The following SHISAL2B variants were observed in gnomAD, a reference collection of about 807,000 sequenced individuals.
The protein encoded by SHISAL2B is protein shisa-like-2B.
In SHISAL2B, 12 loss-of-function variants were observed where a neutral mutation model predicts 16.5. That is an observed-to-expected ratio of 0.73 (90% CI 0.47 to 1.18). The LOEUF (loss-of-function observed/expected upper bound fraction) is 1.18, where lower values mean the gene tolerates loss of function less well. Ranked by LOEUF, SHISAL2B falls within the 50% of genes most tolerant of loss-of-function variation. The pLI is 0.00. For synonymous variants in SHISAL2B, 72 were observed against 75.0 expected, an observed-to-expected ratio of 0.96 and a Z score of 0.21; for missense variants, 183 against 193.6, an observed-to-expected ratio of 0.95 and a Z score of 0.33.
intron 2 of SHISAL2B, among the ~76,000 whole-genome samples, chr5:64,704,747 A>C (rs1306675068): frequency 2.0e-5 from 3 of 151,912 alleles, no homozygotes; most frequent in Non-Finnish European, 4.4e-5. Flanking sequence ...GTTGGTTAAG[A>C]AACTAGTTTC....
In SHISAL2B at chr5:64,690,761, C is replaced by T. The variant is rs747127324; in HGVS notation, c.138C>T (p.Cys46=). Residue 46 remains cysteine, a synonymous_variant, in exon 1 of 3, where the codon TGC becomes TGT. Transcript: ENST00000389074. ...CCGFADLKYC[C]SEPGSYFPYK... ...GCTTCGCCGACCTCAAGTACTGCTG[C>T]AGCGAGCCGGGCAGCTACTTCCCCT... is the stretch of plus-strand genomic sequence containing the variant. The T allele has an allele frequency of 5.2e-6, 8 of 1,543,840 alleles. No individual in the cohort carries two copies. The African/African-American group carries it at 9.6e-5, about 19-fold the overall frequency.
chr5:64,704,219 G>A (rs1741846999), intron 2 of SHISAL2B, among the ~76,000 whole-genome samples: 1 of 152,182 alleles, frequency 6.6e-6, no homozygotes, highest in Non-Finnish European at 1.5e-5. Context: ...ATAAAGACCT[G>A]CAGAAGTCCC....
In SHISAL2B at chr5:64,690,708, G is replaced by A. The variant is rs766268089; in HGVS notation, c.85G>A (p.Glu29Lys). 4 of 1,535,612 alleles carry A rather than the reference G, an allele frequency of 2.6e-6. No individual in the cohort carries two copies. The highest frequency in any genetic ancestry group is 3.5e-6 in the Non-Finnish European group (4 of 1,146,560). The change falls in exon 1 of 3, where the codon GAG becomes AAG. Residue 29 changes from glutamate (E) to lysine (K), a missense_variant. Glu to Lys is a moderately conservative substitution (Grantham distance 56, BLOSUM62 1). Coordinates refer to ENST00000389074, the MANE Select transcript of SHISAL2B (RefSeq NM_001164442.2). ...VEPFQCPRRG[E>K]GAALQYCCGF... The stretch of plus-strand genomic sequence containing the variant: ...GCCCTTCCAGTGCCCCCGGCGCGGC[G>A]AGGGGGCAGCGCTCCAGTATTGCTG...
chr5:64,711,434 G>T (rs1200110638), intron 2 of SHISAL2B, among the ~76,000 whole-genome samples: 10 of 147,538 alleles, frequency 6.8e-5, no homozygotes, highest in Admixed American at 6.7e-5. Context: ...GCTGGATTCG[G>T]TTTGCCAGTA....
chr5:64,702,902 A>G (rs1287045303), intron 2 of SHISAL2B, among the ~76,000 whole-genome samples: 1 of 151,838 alleles, frequency 6.6e-6, no homozygotes, highest in African/African-American at 2.4e-5. Flanking sequence ...TCTGTTTTGG[A>G]CTCTGTGTTT....
chr5:64,715,811 T>A (rs1742041025), intron 2 of SHISAL2B, among the ~76,000 whole-genome samples: 1 of 152,232 alleles, frequency 6.6e-6, no homozygotes, highest in African/African-American at 2.4e-5. Context: ...TTTTTTAAGT[T>A]AAATGGCTGC....
intron 2 of SHISAL2B, among the ~76,000 whole-genome samples, chr5:64,709,474 T>A (rs187233890): frequency 0.17 from 23,996 of 142,232 alleles, 2,434 homozygotes; most frequent in Non-Finnish European, 0.23. Context: ...TCTTTGCTAT[T>A]GTGAATAATG....
Position 64,692,638 on chromosome 5 carries a change from C to T in SHISAL2B, c.191+1824C>T, listed in dbSNP as rs139405994. 3.4e-3 allele frequency among the ~76,000 whole-genome samples: 518 copies of T among 152,286 alleles called. 2 individuals are homozygous for T. Among genetic ancestry groups the T allele is most frequent in the African/African-American group, 0.012 (486 of 41,558 alleles). On this transcript the variant is annotated intron_variant, in intron 1 of 2. Coordinates refer to ENST00000389074, the MANE Select transcript of SHISAL2B (RefSeq NM_001164442.2). ...AGATTCTATAGTGGCAGGAGAAAGG[C>T]ACAGCTGTGGCTATCACAAGGTAAG...
chr5:64,690,659 C>G lies in SHISAL2B; in HGVS notation c.36C>G (p.Tyr12Ter), dbSNP rs1160220465. 20 of 1,529,104 alleles carry G rather than the reference C, an allele frequency of 1.3e-5. No individual in the cohort carries two copies. Among genetic ancestry groups the G allele is most frequent in the Admixed American group, 1.2e-4 (6 of 50,396 alleles). 94.7% of individuals were successfully genotyped at this position (1,529,104 alleles called of 1,614,324 possible). The change falls in exon 1 of 3, where the codon TAC (tyrosine) becomes TAG (stop). Residue 12 changes from tyrosine to a stop codon, truncating the protein, a stop_gained. Transcript: ENST00000389074. LOFTEE classifies it high-confidence loss of function. ...SEASRLCSGY[Y>*]SLNQSFVEPF... ...CCAGCCGACTGTGCTCCGGCTACTA[C>G]AGCCTCAACCAGAGCTTCGTGGAGC...
At chr5:64,709,254 T>C (rs1458237428) in intron 2 of SHISAL2B, among the ~76,000 whole-genome samples, 1 of 147,334 alleles carries the variant, frequency 6.8e-6, no homozygotes, top group East Asian at 2.0e-4. Flanking sequence ...GATCTCATTG[T>C]TCAATTCCCA....
intron 1 of SHISAL2B, chr5:64,694,318 A>T (rs1741697955): frequency 4.0e-6 from 1 of 249,848 alleles, no homozygotes; most frequent in African/African-American, 2.3e-5. Context: ...TGACAGAAGT[A>T]TCTGTTTTTG....
At chr5:64,693,990 T>G in intron 1 of SHISAL2B, 1 of 436,942 alleles carries the variant, frequency 2.3e-6, no homozygotes. Flanking sequence ...TGGAGTGAGC[T>G]TAGCTCTTCA....
chr5:64,717,423 A>C (rs1399683907), intron 2 of SHISAL2B, among the ~76,000 whole-genome samples: 1 of 152,092 alleles, frequency 6.6e-6, no homozygotes, highest in Non-Finnish European at 1.5e-5. Flanking sequence ...CTCATTTTGG[A>C]CTCATATTTA....
At chr5:64,714,360 G>A (rs1411357491) in intron 2 of SHISAL2B, among the ~76,000 whole-genome samples, 8 of 145,736 alleles carry the variant, frequency 5.5e-5, no homozygotes, top group Non-Finnish European at 8.9e-5. Context: ...TCGGGGGTCA[G>A]GGGTCAGGGA....
At chr5:64,700,239 G>A (rs1561375056) in intron 2 of SHISAL2B, among the ~76,000 whole-genome samples, 1 of 152,092 alleles carries the variant, frequency 6.6e-6, no homozygotes, top group Non-Finnish European at 1.5e-5. Context: ...TTAGAGCCCT[G>A]CTTCTCAAAC....
At chr5:64,700,665 A>T (rs1175104237) in intron 2 of SHISAL2B, among the ~76,000 whole-genome samples, 3 of 152,068 alleles carry the variant, frequency 2.0e-5, no homozygotes, top group Non-Finnish European at 2.9e-5. Flanking sequence ...CACCTGTGTC[A>T]GCCTACCAAA....
chr5:64,691,906 C>G (rs1324946816), intron 1 of SHISAL2B, among the ~76,000 whole-genome samples: 1 of 152,064 alleles, frequency 6.6e-6, no homozygotes. Flanking sequence ...TCCTACATGA[C>G]CCAGAATTTA....
chr5:64,708,743 CT>C (rs1741908663), intron 2 of SHISAL2B, among the ~76,000 whole-genome samples: 2 of 152,130 alleles, frequency 1.3e-5, no homozygotes, highest in African/African-American at 4.8e-5. Flanking sequence ...AATATCTTTG[CT>C]TGCTGATTGG....
intron 2 of SHISAL2B, among the ~76,000 whole-genome samples, chr5:64,705,454 A>G (rs1303755158): frequency 1.3e-5 from 2 of 152,210 alleles, no homozygotes; most frequent in East Asian, 3.8e-4. Flanking sequence ...CTTTGGAAAC[A>G]TGAGGGACTT....
Sources: allele counts gnomAD v4.1 joint callset (sites outside exome capture counted in the v4.1 genomes callset), GRCh38; gene constraint gnomAD v4.1.1; transcripts MANE v1.5; gene names NCBI Gene and HGNC (gene_info 2026-07-23, HGNC 2026-07-21).